CAPN7: variants seen among roughly 807,000 people sequenced by gnomAD.
CAPN7 encodes the protein calpain 7, also known as calpain-7.
CAPN7 carries 72 observed loss-of-function variants against 115.2 expected under a neutral mutation model. The observed-to-expected ratio is 0.63, with a 90% CI of 0.52 to 0.76. The LOEUF (loss-of-function observed/expected upper bound fraction) is 0.76. CAPN7 is among the 30% of genes least tolerant of loss of function. CAPN7 has a pLI of 0.00. For synonymous variants in CAPN7, 344 were observed against 322.3 expected (o/e 1.07, Z -0.72); for missense variants, 905 against 971.5 (o/e 0.93, Z 0.91).
chr3:15,246,871 A>G (rs952048788), intron 18 of CAPN7, 77 bp downstream of exon 18: 1 of 1,138,340 alleles, frequency 8.8e-7, no homozygotes, highest in African/African-American at 1.6e-5. Flanking sequence ...CTCTCATTTT[A>G]TTGTTTATAT....
chr3:15,212,244 AT>A, intron 2 of CAPN7, 32 bp downstream of exon 2: 1 of 1,258,848 alleles, frequency 7.9e-7, no homozygotes, highest in Admixed American at 2.2e-5. Flanking sequence ...TTGTCACTCT[AT>A]TTTTTCTTTT....
intron 16 of CAPN7, 89 bp from the exon 17 acceptor site, chr3:15,245,437 T>C (rs1322863582): frequency 1.7e-6 from 2 of 1,168,560 alleles, no homozygotes; most frequent in Non-Finnish European, 2.4e-6. Flanking sequence ...TAAGGAGATG[T>C]CCATCCAAGT....
chr3:15,246,854 C>T lies in CAPN7; in HGVS notation c.2073+60C>T, dbSNP rs868019499. On this transcript the variant is annotated intron_variant, in intron 18 of 20. Coordinates refer to ENST00000253693, the MANE Select transcript of CAPN7 (RefSeq NM_014296.3). ...CTTTTAGAATTTTTAAATTCCCTTTCCCATTTCTCTCATTTTATTGTTTAT... is the reference window on the plus strand; with the variant it reads ...CTTTTAGAATTTTTAAATTCCCTTTTCCATTTCTCTCATTTTATTGTTTAT... 30 of 1,226,688 alleles carry T rather than the reference C, an allele frequency of 2.4e-5. No individual in the cohort carries two copies. The Middle Eastern group carries it at 9.4e-4, about 39-fold the overall frequency. 76.0% of individuals were successfully genotyped at this position (1,226,688 alleles called of 1,614,324 possible). A position where few individuals can be genotyped will look rare whatever the true frequency, so the allele number is the denominator to read the frequency against.
Position 15,221,739 on chromosome 3 carries a change from G to C in CAPN7, c.638+758G>C, listed in dbSNP as rs565733750. Among the ~76,000 whole-genome samples the C allele has an allele frequency of 1.8e-4, 28 of 152,078 alleles. No individual in the cohort carries two copies. The South Asian group carries it at 4.1e-3, about 23-fold the overall frequency. On this transcript the variant is annotated intron_variant, in intron 5 of 20. Coordinates refer to ENST00000253693, the MANE Select transcript of CAPN7 (RefSeq NM_014296.3). ...AATCCCAGCATTTTGGGAGGCAGAG[G>C]GGGGCAGATCACTTGAGCTCAGGAG...
Position 15,245,566 on chromosome 3 carries a change from C to T in CAPN7, c.1905C>T (p.Ser635=), listed in dbSNP as rs370188169. Residue 635 remains serine, a synonymous_variant, in exon 17 of 21, where the codon AGC becomes AGT. Coordinates refer to ENST00000253693, the MANE Select transcript of CAPN7 (RefSeq NM_014296.3). ...PPYIDGIRIN[S]PHYLTKIKLT... is the part of the protein sequence containing the mutation. ...ACATTGATGGAATTCGAATTAACAG[C>T]CCTCATTATTTGACTAAGATAAAGC... is the stretch of plus-strand genomic sequence containing the variant. 319 of 1,613,614 alleles carry T rather than the reference C, an allele frequency of 2.0e-4. No homozygotes were observed. Among genetic ancestry groups the T allele is most frequent in the Non-Finnish European group, 2.6e-4 (305 of 1,179,840 alleles).
At chr3:15,214,064 T>C (rs2045105845) in intron 2 of CAPN7, among the ~76,000 whole-genome samples, 2 of 152,000 alleles carry the variant, frequency 1.3e-5, no homozygotes, top group South Asian at 2.1e-4. Context: ...ATATTTTTAG[T>C]AGAGACAGGA....
chr3:15,226,524 A>C (rs1694326286), intron 6 of CAPN7, among the ~76,000 whole-genome samples: 1 of 152,158 alleles, frequency 6.6e-6, no homozygotes, highest in Non-Finnish European at 1.5e-5. Flanking sequence ...ACGAATTTGA[A>C]TTTGCATTAA....
At chr3:15,249,569 T>A (rs545278469) in intron 19 of CAPN7, among the ~76,000 whole-genome samples, 237 of 152,322 alleles carry the variant, frequency 1.6e-3, no homozygotes, top group South Asian at 5.2e-3. Context: ...ATGAATATAT[T>A]TTTATATTTG....
At chr3:15,223,448 T>G in intron 5 of CAPN7, 27 bp from the exon 6 acceptor site, 2 of 1,397,322 alleles carry the variant, frequency 1.4e-6, no homozygotes, top group Non-Finnish European at 1.0e-6. Context: ...AACTTGAACA[T>G]TTAGGTTTTT....
At chr3:15,210,216 C>G (rs1042565748) in intron 1 of CAPN7, among the ~76,000 whole-genome samples, 4 of 151,430 alleles carry the variant, frequency 2.6e-5, no homozygotes, top group Non-Finnish European at 5.9e-5. Context: ...CCCAGTTAGT[C>G]TTGAACTCCT....
At chr3:15,231,749 C>T (rs1329319588) in intron 9 of CAPN7, among the ~76,000 whole-genome samples, 2 of 152,022 alleles carry the variant, frequency 1.3e-5, no homozygotes, top group Admixed American at 6.6e-5. Flanking sequence ...AGGATGGTCT[C>T]GATCTCCTGA....
intron 1 of CAPN7, among the ~76,000 whole-genome samples, chr3:15,211,480 T>G (rs796528479): frequency 1.1e-4 from 16 of 152,324 alleles, no homozygotes; most frequent in African/African-American, 3.8e-4. Context: ...GGATAGCTCC[T>G]TCGGTAGAGC....
intron 7 of CAPN7, among the ~76,000 whole-genome samples, chr3:15,228,758 G>C (rs1353285557): frequency 6.6e-6 from 1 of 152,088 alleles, no homozygotes; most frequent in Admixed American, 6.5e-5. Context: ...ATTGGGTACT[G>C]GGCTAATAGC....
chr3:15,230,661 T>TA, intron 9 of CAPN7, 126 bp downstream of exon 9: 1 of 582,018 alleles, frequency 1.7e-6, no homozygotes, highest in Non-Finnish European at 3.2e-6. Context: ...TGTGATATTA[T>TA]ATATTACTAC....
chr3:15,235,799 C>T (rs1020319988), intron 12 of CAPN7, among the ~76,000 whole-genome samples: 3 of 152,166 alleles, frequency 2.0e-5, no homozygotes, highest in Non-Finnish European at 4.4e-5. Flanking sequence ...TGGACCAGTA[C>T]CTGTCTGTGG....
At position 15,245,691 on chromosome 3, in the gene CAPN7, A is replaced by G. The variant is rs1695616929; in HGVS notation, c.2010+20A>G. 2 of 1,607,062 alleles carry G rather than the reference A, an allele frequency of 1.2e-6. No homozygotes were observed. Among genetic ancestry groups the G allele is most frequent in the Non-Finnish European group, 1.7e-6 (2 of 1,176,534 alleles). ...GTTCGGGTAAGTAAAACCAACACAC[A>G]ATGACAAAACACAGTAATATAAAGT... On this transcript the variant is annotated intron_variant, in intron 17 of 20. Coordinates refer to ENST00000253693, the MANE Select transcript of CAPN7 (RefSeq NM_014296.3).
rs1229848281 is a variant in CAPN7 at position 15,241,518 on chromosome 3, A to C, written c.1718A>C (p.Lys573Thr). 6.2e-7 allele frequency: 1 copy of C among 1,613,864 alleles called. No homozygotes were observed. Among genetic ancestry groups the C allele is most frequent in the South Asian group, 1.1e-5 (1 of 91,088 alleles). Reference sequence around the variant, plus strand: ...AGCCTGGCCAACAACCCCCAGTACAAACTGGAGGTGCAGTGTCCACAGGGG... The same window carrying C: ...AGCCTGGCCAACAACCCCCAGTACACACTGGAGGTGCAGTGTCCACAGGGG... ...AYSLANNPQY[K>T]LEVQCPQGGA... The change falls in exon 15 of 21, where the codon AAA becomes ACA. Residue 573 changes from lysine (K) to threonine (T), a missense_variant. Lys to Thr is a moderately conservative substitution (Grantham distance 78). Transcript: ENST00000253693.
rs138717330 is a variant in CAPN7 at position 15,244,541 on chromosome 3, C to T, written c.1865-985C>T. The stretch of plus-strand genomic sequence containing the variant: ...TACTCTTCTCACTAGACCACACCAC[C>T]CCTAATCATTAGAGACTTATGATTT... On this transcript the variant is annotated intron_variant, in intron 16 of 20. Coordinates refer to ENST00000253693, the MANE Select transcript of CAPN7 (RefSeq NM_014296.3). Among the ~76,000 whole-genome samples, 293 of 152,270 alleles carry T rather than the reference C, an allele frequency of 1.9e-3. 2 individuals carry two copies. The highest frequency in any genetic ancestry group is 6.4e-3 in the African/African-American group (266 of 41,536).
intron 2 of CAPN7, among the ~76,000 whole-genome samples, chr3:15,217,086 A>AG (rs1209428197): frequency 1.3e-5 from 2 of 150,210 alleles, no homozygotes; most frequent in African/African-American, 5.0e-5. Flanking sequence ...AAAAAAAAAA[A>AG]AGAGAGAAAA....
Sources: allele counts gnomAD v4.1 joint callset (sites outside exome capture counted in the v4.1 genomes callset), GRCh38; gene constraint gnomAD v4.1.1; transcripts MANE v1.5; gene names NCBI Gene and HGNC (gene_info 2026-07-23, HGNC 2026-07-21).